Variants in RBFOX1 observed in about 807,000 individuals in gnomAD.
RBFOX1 encodes the protein RNA binding protein fox-1 homolog 1.
RBFOX1 carries 8 observed loss-of-function variants against 57.7 expected under a neutral mutation model. That is an observed-to-expected ratio of 0.14 (90% confidence interval 0.08 to 0.25). RBFOX1 has a LOEUF of 0.25. Ranked by LOEUF, RBFOX1 falls within the 10% of genes least tolerant of loss-of-function variation. The probability of loss-of-function intolerance (pLI) is 1.00; values close to 1 mark genes in which losing one functional copy is unlikely to be tolerated. For synonymous variants in RBFOX1, 326 were observed against 222.4 expected (o/e 1.47, Z -4.15); for missense variants, 611 against 548.5 (o/e 1.11, Z -1.14).
chr16:7,573,296 G>T (rs2092983326), intron 5 of RBFOX1, among the ~76,000 whole-genome samples: 1 of 152,158 alleles, frequency 6.6e-6, no homozygotes, highest in South Asian at 2.1e-4. Context: ...AGCAGGCAAA[G>T]TGGGAGGCAG....
intron 1 of RBFOX1, among the ~76,000 whole-genome samples, chr16:5,253,458 C>T (rs1881329): frequency 0.33 from 50,448 of 151,976 alleles, 8,642 homozygotes; most frequent in South Asian, 0.43. Flanking sequence ...GGCTGGAATT[C>T]TGTGTCATTC....
intron 2 of RBFOX1, among the ~76,000 whole-genome samples, chr16:6,351,371 TA>T (rs1337482163): frequency 0.016 from 1,543 of 94,402 alleles, 62 homozygotes; most frequent in African/African-American, 0.066. Context: ...TATATATATA[TA>T]TTTTTTTTTT....
chr16:7,369,462 C>T (rs186328177), intron 4 of RBFOX1, among the ~76,000 whole-genome samples: 1 of 152,044 alleles, frequency 6.6e-6, no homozygotes, highest in Non-Finnish European at 1.5e-5. Context: ...ACGCATGGAA[C>T]CAAGATGAAT....
At chr16:7,330,305 T>C (rs2096667640) in intron 4 of RBFOX1, among the ~76,000 whole-genome samples, 1 of 151,968 alleles carries the variant, frequency 6.6e-6, no homozygotes, top group Non-Finnish European at 1.5e-5. Flanking sequence ...ATGTAAATGC[T>C]GTGTAAATCA....
intron 1 of RBFOX1, among the ~76,000 whole-genome samples, chr16:5,320,468 T>G (rs80225982): frequency 1.3e-5 from 2 of 152,144 alleles, no homozygotes; most frequent in African/African-American, 4.8e-5. Context: ...AACAAGACCC[T>G]CGAAGGACTT....
At chr16:7,688,441 C>T (rs1002848164) in intron 14 of RBFOX1, among the ~76,000 whole-genome samples, 1 of 151,922 alleles carries the variant, frequency 6.6e-6, no homozygotes, top group East Asian at 1.9e-4. Flanking sequence ...GTATTATTTG[C>T]TATGGGGAAT....
At chr16:7,384,690 A>C (rs1354221332) in intron 4 of RBFOX1, among the ~76,000 whole-genome samples, 1 of 152,144 alleles carries the variant, frequency 6.6e-6, no homozygotes, top group Non-Finnish European at 1.5e-5. Flanking sequence ...TGTAATGACA[A>C]CCTAGACTTA....
At chr16:7,348,250 C>T (rs987616176) in intron 4 of RBFOX1, among the ~76,000 whole-genome samples, 7 of 152,208 alleles carry the variant, frequency 4.6e-5, no homozygotes, top group African/African-American at 1.4e-4. Flanking sequence ...CTACAAACCA[C>T]TCTTTATGTA....
chr16:7,184,103 A>G (rs879537929), intron 4 of RBFOX1, among the ~76,000 whole-genome samples: 2 of 152,200 alleles, frequency 1.3e-5, no homozygotes, highest in African/African-American at 4.8e-5. Context: ...GGCAGCACAA[A>G]GATGTGTGTA....
intron 4 of RBFOX1, among the ~76,000 whole-genome samples, chr16:7,406,000 C>T (rs2098333773): frequency 6.6e-6 from 1 of 152,112 alleles, no homozygotes; most frequent in Non-Finnish European, 1.5e-5. Context: ...TGCAATTGAT[C>T]CTGCAACACA....
At chr16:5,840,502 G>GC (rs2056592915) in intron 3 of RBFOX1, among the ~76,000 whole-genome samples, 1 of 152,170 alleles carries the variant, frequency 6.6e-6, no homozygotes, top group Non-Finnish European at 1.5e-5. Flanking sequence ...CCTCTCCTGT[G>GC]CCTTCAGAAC....
chr16:7,039,028 A>C (rs1443712714), intron 3 of RBFOX1, among the ~76,000 whole-genome samples: 2 of 116,476 alleles, frequency 1.7e-5, no homozygotes, highest in African/African-American at 7.3e-5. Flanking sequence ...ATTACCAAAC[A>C]ATATGATGTT....
intron 3 of RBFOX1, among the ~76,000 whole-genome samples, chr16:6,893,639 C>T (rs913438571): frequency 1.3e-5 from 2 of 152,154 alleles, no homozygotes; most frequent in Non-Finnish European, 2.9e-5. Context: ...AAGCCCTGTT[C>T]CTCCAATAGA....
chr16:6,063,501 ACACACCCC>A (rs777616544), intron 1 of RBFOX1, among the ~76,000 whole-genome samples: 8 of 58,574 alleles, frequency 1.4e-4, no homozygotes, highest in South Asian at 8.6e-4. Flanking sequence ...ACACACACAC[ACACACCCC>A]CTTATATTTT....
chr16:6,392,710 C>T (rs563042734), intron 2 of RBFOX1, among the ~76,000 whole-genome samples: 27 of 152,326 alleles, frequency 1.8e-4, no homozygotes, highest in Non-Finnish European at 3.5e-4. Flanking sequence ...TCTGGGGGCA[C>T]TCCAGATTGG....
At chr16:6,480,521 C>T (rs776702805) in intron 2 of RBFOX1, among the ~76,000 whole-genome samples, 13 of 152,174 alleles carry the variant, frequency 8.5e-5, no homozygotes, top group Admixed American at 1.3e-4. Context: ...CTTTTAAAAA[C>T]TATTTAAAGT....
At chr16:6,905,772 C>T (rs2069720573) in intron 3 of RBFOX1, among the ~76,000 whole-genome samples, 1 of 152,172 alleles carries the variant, frequency 6.6e-6, no homozygotes, top group Admixed American at 6.5e-5. Context: ...ATGGTATTTT[C>T]AAGAGACAGA....
chr16:7,558,719 C>T (rs2089503463), intron 5 of RBFOX1, among the ~76,000 whole-genome samples: 1 of 152,144 alleles, frequency 6.6e-6, no homozygotes, highest in Admixed American at 6.5e-5. Flanking sequence ...AAAATCAGCA[C>T]CGAAAAGGCT....
chr16:7,010,730 G>A (rs1283642362), intron 3 of RBFOX1, among the ~76,000 whole-genome samples: 1 of 151,934 alleles, frequency 6.6e-6, no homozygotes, highest in African/African-American at 2.4e-5. Flanking sequence ...CTGCCCGGCT[G>A]ATTTTTGTAT....
Sources: allele counts gnomAD v4.1 joint callset (sites outside exome capture counted in the v4.1 genomes callset), GRCh38; gene constraint gnomAD v4.1.1; transcripts MANE v1.5; gene names NCBI Gene and HGNC (gene_info 2026-07-23, HGNC 2026-07-21).